AMPH: variants seen among roughly 807,000 people sequenced by gnomAD.
AMPH encodes the protein amphiphysin.
In AMPH, 49 loss-of-function variants were observed where a neutral mutation model predicts 99.1. The ratio of observed to expected loss-of-function variants is 0.49; its 90% confidence interval spans 0.39 to 0.63. The LOEUF is 0.63. AMPH is among the 20% of genes least tolerant of loss of function. The probability of loss-of-function intolerance (pLI) is 0.00; values close to 1 mark genes in which losing one functional copy is unlikely to be tolerated. For missense variants in AMPH, 759 were observed against 863.4 expected (o/e 0.88, Z 1.52); for synonymous variants, 314 against 317.3 (o/e 0.99, Z 0.11).
rs1014475737 is a variant in AMPH at position 38,384,451 on chromosome 7, TC to T, written c.*366del. The T allele has an allele frequency of 2.8e-4, 52 of 185,808 alleles. No homozygotes were observed. Among genetic ancestry groups the T allele is most frequent in the African/African-American group, 1.2e-3 (50 of 43,246 alleles). The allele number at this position is 185,808 out of a possible 1,614,324, so 11.5% of individuals were successfully genotyped here. The stretch of plus-strand genomic sequence containing the variant: ...AGATAATCTTGTACTACAGGATAAT[TC>T]ATCACATCTTCTGCAGGGCAGCCAC... On this transcript the variant is annotated 3_prime_UTR_variant, in exon 21 of 21. Coordinates refer to ENST00000356264, the MANE Select transcript of AMPH (RefSeq NM_001635.4).
chr7:38,414,685 G>A (rs1785314378), intron 17 of AMPH, among the ~76,000 whole-genome samples: 1 of 149,880 alleles, frequency 6.7e-6, no homozygotes, highest in Non-Finnish European at 1.5e-5. Context: ...TTTTTTTTGA[G>A]ACAGAGTCTC....
At chr7:38,404,570 A>T (rs951577493) in intron 17 of AMPH, among the ~76,000 whole-genome samples, 2 of 152,284 alleles carry the variant, frequency 1.3e-5, no homozygotes, top group South Asian at 4.1e-4. Context: ...CTAGAAACAA[A>T]GCCAAACAAT....
At chr7:38,604,420 G>A (rs1219449174) in intron 1 of AMPH, among the ~76,000 whole-genome samples, 4 of 152,184 alleles carry the variant, frequency 2.6e-5, no homozygotes, top group Non-Finnish European at 1.5e-5. Flanking sequence ...CTGTGGACTG[G>A]GCAATGCTTG....
At chr7:38,518,352 T>C (rs567313801) in intron 2 of AMPH, among the ~76,000 whole-genome samples, 2 of 152,176 alleles carry the variant, frequency 1.3e-5, no homozygotes, top group South Asian at 2.1e-4. Context: ...AGTGAAAACA[T>C]AGAACTTGTA....
intron 11 of AMPH, among the ~76,000 whole-genome samples, chr7:38,439,419 G>T (rs1340659959): frequency 6.6e-6 from 1 of 152,068 alleles, no homozygotes; most frequent in African/African-American, 2.4e-5. Context: ...ATCCCTTAAG[G>T]TACTCATGTC....
rs1294405606 is a variant in AMPH at position 38,444,077 on chromosome 7, G to T, written c.1018-7689C>A. Among the ~76,000 whole-genome samples the T allele has an allele frequency of 5.3e-5, 8 of 152,196 alleles. No homozygotes were observed. The South Asian group carries it at 1.7e-3, about 32-fold the overall frequency. On this transcript the variant is annotated intron_variant, in intron 11 of 20. Transcript: ENST00000356264. ...CCAGAAAAAACAAATTTAAAAACAT[G>T]ATTTATAATAACAATATAAAATACT...
chr7:38,599,596 G>A (rs573123979), intron 1 of AMPH, among the ~76,000 whole-genome samples: 2 of 152,166 alleles, frequency 1.3e-5, no homozygotes, highest in African/African-American at 4.8e-5. Flanking sequence ...AAAATTACAC[G>A]TAGATTTTTT....
chr7:38,476,828 G>A (rs371625341), intron 6 of AMPH, 34 bp downstream of exon 6: 104 of 1,495,040 alleles, frequency 7.0e-5, no homozygotes, highest in African/African-American at 1.1e-4. Flanking sequence ...CATAAAATAC[G>A]GAGAGTGGTA....
At chr7:38,466,112 T>A (rs17171372) in intron 8 of AMPH, 61 bp downstream of exon 8, 3 of 1,350,982 alleles carry the variant, frequency 2.2e-6, no homozygotes, top group Admixed American at 1.9e-5. Flanking sequence ...TTTCATTTGC[T>A]TCCAAAATAA....
At chr7:38,571,588 A>C (rs34721981) in intron 1 of AMPH, among the ~76,000 whole-genome samples, 1,608 of 145,474 alleles carry the variant, frequency 0.011, 139 homozygotes, top group Admixed American at 0.11. Flanking sequence ...AACTAGAAAA[A>C]AGCTTATAGA....
chr7:38,615,782 C>T (rs1562863893), intron 1 of AMPH, among the ~76,000 whole-genome samples: 1 of 152,082 alleles, frequency 6.6e-6, no homozygotes, highest in Non-Finnish European at 1.5e-5. Flanking sequence ...CCCAGCTGCC[C>T]TTAATACTCA....
intron 17 of AMPH, among the ~76,000 whole-genome samples, chr7:38,398,580 G>A (rs1014949182): frequency 6.6e-6 from 1 of 152,016 alleles, no homozygotes; most frequent in Admixed American, 6.5e-5. Context: ...ATGGTTAATG[G>A]GCACAAACAA....
At position 38,479,798 on chromosome 7, in the gene AMPH, T is replaced by C. The variant is rs569962490; in HGVS notation, c.397-2829A>G. Among the ~76,000 whole-genome samples, 3 of 152,204 alleles carry C rather than the reference T, an allele frequency of 2.0e-5. No homozygotes were observed. In the South Asian group the frequency reaches 6.2e-4, roughly 32 times the overall value. On this transcript the variant is annotated intron_variant, in intron 5 of 20. Coordinates refer to ENST00000356264, the MANE Select transcript of AMPH (RefSeq NM_001635.4). The stretch of plus-strand genomic sequence containing the variant: ...GCCCCATAAATATGAACAATTATTA[T>C]ATGCCAATTAAATAAATTGTTATAC...
At chr7:38,609,400 A>T (rs1793545454) in intron 1 of AMPH, among the ~76,000 whole-genome samples, 1 of 152,138 alleles carries the variant, frequency 6.6e-6, no homozygotes, top group Non-Finnish European at 1.5e-5. Flanking sequence ...TTATACCTAG[A>T]AATCCTCCTG....
chr7:38,498,938 T>C (rs1789030290), intron 3 of AMPH, among the ~76,000 whole-genome samples: 1 of 152,202 alleles, frequency 6.6e-6, no homozygotes, highest in South Asian at 2.1e-4. Context: ...TGCTTCCTTC[T>C]GCTTCCTGGC....
intron 5 of AMPH, among the ~76,000 whole-genome samples, chr7:38,484,123 G>C (rs1680488957): frequency 6.6e-6 from 1 of 151,962 alleles, no homozygotes. Flanking sequence ...GGGATTTATG[G>C]GACACCATTA....
intron 3 of AMPH, among the ~76,000 whole-genome samples, chr7:38,501,348 A>G (rs2392579): frequency 0.91 from 138,885 of 152,098 alleles, 63,658 homozygotes; most frequent in East Asian, 1. Flanking sequence ...GCGCCACCAC[A>G]CCTGACTAAT....
At chr7:38,484,108 T>C (rs1788399019) in intron 5 of AMPH, among the ~76,000 whole-genome samples, 1 of 151,814 alleles carries the variant, frequency 6.6e-6, no homozygotes, top group Non-Finnish European at 1.5e-5. Context: ...GTGAAAACAG[T>C]TTAAGGGATT....
At chr7:38,471,096 A>C (rs80152908) in intron 7 of AMPH, among the ~76,000 whole-genome samples, 3,439 of 152,238 alleles carry the variant, frequency 0.023, 123 homozygotes, top group African/African-American at 0.079. Context: ...TGGTCAATAA[A>C]TATTTGTTGA....
Sources: allele counts gnomAD v4.1 joint callset (sites outside exome capture counted in the v4.1 genomes callset), GRCh38; gene constraint gnomAD v4.1.1; transcripts MANE v1.5; gene names NCBI Gene and HGNC (gene_info 2026-07-23, HGNC 2026-07-21).